Variants in GABRG2 observed in about 807,000 individuals in gnomAD.
GABRG2 encodes gamma-aminobutyric acid receptor subunit gamma-2.
In GABRG2, 16 loss-of-function variants were observed where a neutral mutation model predicts 56.4. The observed-to-expected ratio is 0.28, with a 90% confidence interval of 0.19 to 0.43. The LOEUF (loss-of-function observed/expected upper bound fraction) is 0.43, where lower values mean the gene tolerates loss of function less well. Among genes scored for constraint, GABRG2 ranks in the 20% least tolerant of loss-of-function variants. GABRG2 has a pLI of 1.00. For missense variants in GABRG2, 327 were observed against 582.7 expected, an observed-to-expected ratio of 0.56 and a Z score of 4.52; for synonymous variants, 208 against 205.5, an observed-to-expected ratio of 1.01 and a Z score of -0.10.
rs372923763 is a variant in GABRG2 at position 162,145,166 on chromosome 5, C to T, written c.922+2850C>T. On this transcript the variant is annotated intron_variant, in intron 7 of 9. Transcript: ENST00000639213. ...TTGATGAGCAAGATAAATTTATCCA[C>T]GTTGACTCAGAGATACTGGCTGTTT... Among the ~76,000 whole-genome samples the T allele has an allele frequency of 5.7e-4, 87 of 152,260 alleles. 2 individuals carry two copies. The highest frequency in any genetic ancestry group is 2.0e-3 in the African/African-American group (83 of 41,552).
chr5:162,100,599 A>G (rs1761342749), intron 4 of GABRG2, among the ~76,000 whole-genome samples: 1 of 152,104 alleles, frequency 6.6e-6, no homozygotes. Flanking sequence ...ACTGGCAAAC[A>G]TTTTTCAAAT....
At chr5:162,083,766 C>A (rs1487268359) in intron 1 of GABRG2, 1 of 151,880 alleles carries the variant, frequency 6.6e-6, no homozygotes, top group African/African-American at 2.4e-5. Flanking sequence ...GCACTGTTTT[C>A]AAAAAAGAGT....
chr5:162,068,051 G>C lies in GABRG2; in HGVS notation c.52G>C (p.Val18Leu), dbSNP rs141106898. ...STGSSVYSTP[V>L]FSQKMTVWIL... ...AGGAAGCTCAGTCTACTCGACTCCTGTATTTTCACAGAAAATGACGGTGTG... is the reference window on the plus strand; with the variant it reads ...AGGAAGCTCAGTCTACTCGACTCCTCTATTTTCACAGAAAATGACGGTGTG... The change falls in exon 1 of 10, where the codon GTA (valine) becomes CTA (leucine). Residue 18 changes from valine (V) to leucine (L), a missense_variant. Transcript: ENST00000639213. 45 of 1,613,158 alleles carry C rather than the reference G, an allele frequency of 2.8e-5. No homozygotes were observed. The East Asian group carries it at 9.2e-4, about 33-fold the overall frequency.
intron 1 of GABRG2, among the ~76,000 whole-genome samples, chr5:162,081,431 C>G (rs1044716125): frequency 6.6e-6 from 1 of 151,876 alleles, no homozygotes. Context: ...AAGCACAGCC[C>G]AAATCAGTAT....
At chr5:162,147,351 G>T (rs978415162) in intron 7 of GABRG2, among the ~76,000 whole-genome samples, 3 of 126,686 alleles carry the variant, frequency 2.4e-5, no homozygotes, top group East Asian at 2.2e-4. Flanking sequence ...TCCTTCCTCT[G>T]TCTCTCTTTC....
chr5:162,076,371 G>A (rs1759108529), intron 1 of GABRG2, among the ~76,000 whole-genome samples: 1 of 152,126 alleles, frequency 6.6e-6, no homozygotes, highest in African/African-American at 2.4e-5. Context: ...TGGGAGTGTA[G>A]AAGAGGGATT....
intron 1 of GABRG2, among the ~76,000 whole-genome samples, chr5:162,077,083 G>GTT (rs1759186111): frequency 1.4e-5 from 2 of 138,274 alleles, no homozygotes; most frequent in South Asian, 4.3e-4. Context: ...CTGTGTGTGT[G>GTT]TGTGTGTGTG....
intron 6 of GABRG2, among the ~76,000 whole-genome samples, chr5:162,129,735 T>C (rs1369930253): frequency 2.6e-5 from 4 of 151,952 alleles, no homozygotes; most frequent in Non-Finnish European, 5.9e-5. Flanking sequence ...TCATCAAATG[T>C]TGTATTCCTT....
At chr5:162,107,734 TAGA>T (rs1174602268) in intron 6 of GABRG2, among the ~76,000 whole-genome samples, 1 of 152,200 alleles carries the variant, frequency 6.6e-6, no homozygotes, top group Admixed American at 6.6e-5. Flanking sequence ...CTATATCTGG[TAGA>T]AGAACAACCA....
chr5:162,109,420 A>ATATATATATATATT (rs1424412323), intron 6 of GABRG2, among the ~76,000 whole-genome samples: 99 of 116,078 alleles, frequency 8.5e-4, no homozygotes, highest in African/African-American at 3.0e-3. Context: ...ATATATATAT[A>ATATATATATATATT]TATTTATTTA....
rs996243502 is a variant in GABRG2 at position 162,126,838 on chromosome 5, C to A, written c.770-15326C>A. On this transcript the variant is annotated intron_variant, in intron 6 of 9. Coordinates refer to ENST00000639213, the MANE Select transcript of GABRG2 (RefSeq NM_198904.4). ...TCCTTGAAGTCTCTCATTGTACATG[C>A]AAGGCACTTTGCAATCTGGAACTCT... is the stretch of plus-strand genomic sequence containing the variant. Among the ~76,000 whole-genome samples the A allele has an allele frequency of 3.3e-5, 5 of 152,094 alleles. No individual in the cohort carries two copies. In the South Asian group the frequency reaches 6.2e-4, roughly 19 times the overall value.
intron 8 of GABRG2, chr5:162,150,028 T>G: frequency 5.7e-6 from 1 of 175,880 alleles, no homozygotes; most frequent in Non-Finnish European, 1.2e-5. Context: ...TTGCAAATGA[T>G]TTAGTGTGTG....
intron 1 of GABRG2, among the ~76,000 whole-genome samples, chr5:162,090,560 C>T (rs1018803793): frequency 1.3e-5 from 2 of 152,110 alleles, no homozygotes; most frequent in African/African-American, 4.8e-5. Flanking sequence ...AGGTGATTTT[C>T]TAACCATGAA....
Position 162,154,886 on chromosome 5 carries a change from A to C in GABRG2, c.*1518A>C, listed in dbSNP as rs567153845. ...GAGCCAATGACTGTGGCCTCATTAG[A>C]TTACATTGTAGTTAAACAAAGCAAT... On this transcript the variant is annotated 3_prime_UTR_variant, in exon 10 of 10. Transcript: ENST00000639213. 1 of 152,116 alleles carries C rather than the reference A, an allele frequency of 6.6e-6. No homozygotes were observed. Among genetic ancestry groups the C allele is most frequent in the Non-Finnish European group, 1.5e-5 (1 of 68,016 alleles). The allele number at this position is 152,116 out of a possible 1,614,324, so 9.4% of individuals were successfully genotyped here. A position where few individuals can be genotyped will look rare whatever the true frequency, so the allele number is the denominator to read the frequency against.
At chr5:162,133,740 C>T (rs1763921125) in intron 6 of GABRG2, among the ~76,000 whole-genome samples, 1 of 152,014 alleles carries the variant, frequency 6.6e-6, no homozygotes, top group African/African-American at 2.4e-5. Flanking sequence ...AAGGGAACCT[C>T]TTGCATAAAG....
At chr5:162,129,184 A>T (rs1405413355) in intron 6 of GABRG2, 1 of 152,028 alleles carries the variant, frequency 6.6e-6, no homozygotes. Flanking sequence ...GTTTGTGATC[A>T]ATGTTTATGT....
chr5:162,072,954 AT>A (rs1362151981), intron 1 of GABRG2, among the ~76,000 whole-genome samples: 1 of 151,930 alleles, frequency 6.6e-6, no homozygotes, highest in East Asian at 1.9e-4. Context: ...ATATTATCTT[AT>A]GTGTTTTTTT....
chr5:162,103,845 A>C, intron 5 of GABRG2, 44 bp from the exon 6 acceptor site: 1 of 1,609,340 alleles, frequency 6.2e-7, no homozygotes. Context: ...TACATATGCT[A>C]ATTTATAATC....
At chr5:162,136,195 A>G (rs180916204) in intron 6 of GABRG2, among the ~76,000 whole-genome samples, 2 of 152,244 alleles carry the variant, frequency 1.3e-5, no homozygotes, top group East Asian at 1.9e-4. Flanking sequence ...AGCAGTGCGA[A>G]TTTCATACTG....
Sources: allele counts gnomAD v4.1 joint callset (sites outside exome capture counted in the v4.1 genomes callset), GRCh38; gene constraint gnomAD v4.1.1; transcripts MANE v1.5; gene names NCBI Gene and HGNC (gene_info 2026-07-23, HGNC 2026-07-21).